The following IMMP2L variants were observed in gnomAD, a reference collection of about 807,000 sequenced individuals.
The protein encoded by IMMP2L is inner mitochondrial membrane peptidase subunit 2, also known as mitochondrial inner membrane protease subunit 2.
IMMP2L carries 18 observed loss-of-function variants against 19.3 expected under a neutral mutation model. The observed-to-expected ratio is 0.93, with a 90% CI of 0.64 to 1.38. The LOEUF (loss-of-function observed/expected upper bound fraction) is 1.38, where lower values mean the gene tolerates loss of function less well. IMMP2L is among the 40% of genes most tolerant of loss of function. The probability of loss-of-function intolerance (pLI) is 0.00; values close to 1 mark genes in which losing one functional copy is unlikely to be tolerated. For synonymous variants in IMMP2L, 76 were observed against 73.0 expected (o/e 1.04, Z -0.21); for missense variants, 233 against 218.2 (o/e 1.07, Z -0.43).
chr7:111,377,434 C>T (rs1036897735), intron 3 of IMMP2L, among the ~76,000 whole-genome samples: 2 of 151,776 alleles, frequency 1.3e-5, no homozygotes, highest in African/African-American at 4.8e-5. Context: ...TATAGTATCC[C>T]TCTATAATAC....
chr7:111,257,517 T>G (rs754753442), intron 3 of IMMP2L, among the ~76,000 whole-genome samples: 41 of 152,180 alleles, frequency 2.7e-4, no homozygotes, highest in Non-Finnish European at 1.2e-4. Flanking sequence ...TGTATTAGAC[T>G]GAAGTATTAA....
intron 3 of IMMP2L, among the ~76,000 whole-genome samples, chr7:111,084,397 G>C (rs971603485): frequency 1.3e-5 from 2 of 151,956 alleles, no homozygotes; most frequent in Non-Finnish European, 2.9e-5. Context: ...AGAGTGCCTG[G>C]GGATCACGCA....
In IMMP2L at chr7:111,257,771, C is replaced by G. The variant is rs374617053; in HGVS notation, c.239+229467G>C. ...TACGGCCTATACATCTTTTAAACAC[C>G]TTTTTCTTTTTCTTTTTTTTAATTA... On this transcript the variant is annotated intron_variant, in intron 3 of 5. Coordinates refer to ENST00000405709, the MANE Select transcript of IMMP2L (RefSeq NM_032549.4). 5.3e-5 allele frequency among the ~76,000 whole-genome samples: 8 copies of G among 151,756 alleles called. No individual in the cohort carries two copies. The East Asian group carries it at 7.7e-4, about 15-fold the overall frequency.
intron 5 of IMMP2L, among the ~76,000 whole-genome samples, chr7:110,756,675 C>T (rs949283046): frequency 7.2e-5 from 11 of 152,170 alleles, no homozygotes; most frequent in African/African-American, 2.2e-4. Flanking sequence ...TATACTCATG[C>T]GTACATTTCT....
At chr7:110,968,461 C>A (rs181962258) in intron 3 of IMMP2L, among the ~76,000 whole-genome samples, 18 of 152,084 alleles carry the variant, frequency 1.2e-4, no homozygotes, top group Admixed American at 1.0e-3. Context: ...TGGCTTGAGC[C>A]CAGAAGTTCG....
At chr7:110,695,706 C>A (rs550186214) in intron 5 of IMMP2L, among the ~76,000 whole-genome samples, 1 of 152,192 alleles carries the variant, frequency 6.6e-6, no homozygotes, top group South Asian at 2.1e-4. Flanking sequence ...AGGGCAGCAG[C>A]ATAATGTAGG....
At chr7:110,973,273 T>A (rs1459035238) in intron 3 of IMMP2L, among the ~76,000 whole-genome samples, 1 of 152,108 alleles carries the variant, frequency 6.6e-6, no homozygotes. Context: ...ATCATCACAT[T>A]TTATACTGTA....
chr7:111,333,113 C>G (rs1385007667), intron 3 of IMMP2L, among the ~76,000 whole-genome samples: 1 of 152,038 alleles, frequency 6.6e-6, no homozygotes, highest in Non-Finnish European at 1.5e-5. Context: ...AAAACAAGAC[C>G]TGCTGAGGTG....
chr7:110,863,296 TCTC>T (rs1394519436), intron 5 of IMMP2L, among the ~76,000 whole-genome samples: 4 of 152,078 alleles, frequency 2.6e-5, no homozygotes, highest in Non-Finnish European at 2.9e-5. Flanking sequence ...GCTCCACACA[TCTC>T]CTTCTTTTGG....
rs552740518 is a variant in IMMP2L at position 111,522,238 on chromosome 7, C to A, written c.-2-789G>T. Among the ~76,000 whole-genome samples the A allele has an allele frequency of 1.2e-3, 189 of 152,106 alleles. 1 individual carries two copies. Among genetic ancestry groups the A allele is most frequent in the Non-Finnish European group, 2.4e-3 (164 of 67,966 alleles). On this transcript the variant is annotated intron_variant, in intron 1 of 5. Transcript: ENST00000405709. ...TTAGACAGGGTCTCACTCTGTCACC[C>A]AAGCTGGAGTCTTGGCAAGACTTTT...
rs534015874 is a variant in IMMP2L at position 110,877,659 on chromosome 7, C to T, written c.408+8934G>A. ...ACACTAGCTATTTTGAGCCAGACTG[C>T]GCTTAGGCCTCGGCAAGAGGCACTA... On this transcript the variant is annotated intron_variant, in intron 5 of 5. Coordinates refer to ENST00000405709, the MANE Select transcript of IMMP2L (RefSeq NM_032549.4). The surrounding 1 kb of genome is among the most constrained non-coding windows in gnomAD (Gnocchi z 4.0). Among the ~76,000 whole-genome samples, 23 of 152,202 alleles carry T rather than the reference C, an allele frequency of 1.5e-4. No homozygotes were observed. Among genetic ancestry groups the T allele is most frequent in the East Asian group, 9.7e-4 (5 of 5,164 alleles).
Position 110,999,173 on chromosome 7 carries a change from T to C in IMMP2L, c.240-35608A>G, listed in dbSNP as rs147596377. 3.5e-3 allele frequency among the ~76,000 whole-genome samples: 526 copies of C among 152,250 alleles called. 3 individuals are homozygous for C. Among genetic ancestry groups the C allele is most frequent in the African/African-American group, 0.011 (477 of 41,550 alleles). ...TTCTCTTGAAGCTTTTATAATCTCA[T>C]CTTTATCCTTGGTGTTCTAAAAATT... On this transcript the variant is annotated intron_variant, in intron 3 of 5. Transcript: ENST00000405709.
intron 5 of IMMP2L, among the ~76,000 whole-genome samples, chr7:110,823,046 G>A (rs1311285032): frequency 2.6e-5 from 4 of 151,932 alleles, no homozygotes; most frequent in Non-Finnish European, 5.9e-5. Context: ...CCATTTAAAT[G>A]GAAATGCCAG....
chr7:111,099,145 C>A (rs1158089033), intron 3 of IMMP2L, among the ~76,000 whole-genome samples: 1 of 151,598 alleles, frequency 6.6e-6, no homozygotes, highest in Non-Finnish European at 1.5e-5. Flanking sequence ...GAGTGGAAGT[C>A]AACATACTTC....
intron 1 of IMMP2L, among the ~76,000 whole-genome samples, chr7:111,534,889 A>C (rs113698274): frequency 0.046 from 6,980 of 152,260 alleles, 252 homozygotes; most frequent in South Asian, 0.081. Context: ...ATAGAATAAA[A>C]TCAACAGATC....
chr7:111,087,636 T>G (rs1796470077), intron 3 of IMMP2L, among the ~76,000 whole-genome samples: 1 of 152,046 alleles, frequency 6.6e-6, no homozygotes, highest in South Asian at 2.1e-4. Flanking sequence ...TTGTGGAGCT[T>G]AAAAACTTAA....
At chr7:111,015,757 C>T (rs777986466) in intron 3 of IMMP2L, among the ~76,000 whole-genome samples, 41 of 151,810 alleles carry the variant, frequency 2.7e-4, no homozygotes, top group Non-Finnish European at 4.3e-4. Flanking sequence ...TTAAATATTG[C>T]GGACAGTCCC....
intron 3 of IMMP2L, among the ~76,000 whole-genome samples, chr7:111,295,448 A>C (rs1029030498): frequency 6.6e-6 from 1 of 151,928 alleles, no homozygotes; most frequent in Non-Finnish European, 1.5e-5. Flanking sequence ...TTTAGACACA[A>C]GTTGAACAGA....
intron 3 of IMMP2L, among the ~76,000 whole-genome samples, chr7:111,366,953 A>G (rs1292787150): frequency 6.6e-6 from 1 of 151,786 alleles, no homozygotes; most frequent in African/African-American, 2.4e-5. Context: ...GAATATAGGT[A>G]TTCTTTGTAC....
Sources: allele counts gnomAD v4.1 joint callset (sites outside exome capture counted in the v4.1 genomes callset), GRCh38; gene constraint gnomAD v4.1.1; non-coding constraint Gnocchi (gnomAD v3.1); transcripts MANE v1.5; gene names NCBI Gene and HGNC (gene_info 2026-07-23, HGNC 2026-07-21).